C1QB: variants seen among roughly 807,000 people sequenced by gnomAD.
C1QB encodes complement C1q B chain.
Under a neutral mutation model 4.6 loss-of-function variants are expected in C1QB, and 2 were observed. The observed-to-expected ratio is 0.43, with a 90% CI of 0.18 to 1.36. The LOEUF (loss-of-function observed/expected upper bound fraction) is 1.36. Among genes scored for constraint, C1QB ranks in the 40% most tolerant of loss-of-function variants. The probability of loss-of-function intolerance (pLI) is 0.28; values close to 1 mark genes in which losing one functional copy is unlikely to be tolerated. For missense variants in C1QB, 292 were observed against 338.0 expected (o/e 0.86, Z 1.07); for synonymous variants, 132 against 137.1 (o/e 0.96, Z 0.26).
intron 2 of C1QB, among the ~76,000 whole-genome samples, chr1:22,659,912 C>T (rs901211244): frequency 6.6e-6 from 1 of 152,178 alleles, no homozygotes; most frequent in Non-Finnish European, 1.5e-5. Context: ...CCATTAAATT[C>T]AGGTGGAGAG....
intron 1 of C1QB, 150 bp from the exon 2 acceptor site, chr1:22,659,290 A>G (rs1009743421): frequency 5.6e-6 from 4 of 715,414 alleles, no homozygotes; most frequent in Non-Finnish European, 4.7e-6. Context: ...GGAGGGATAG[A>G]GAGATGGATG....
Position 22,660,927 on chromosome 1 carries a change from A to G in C1QB, c.297A>G (p.Pro99=), listed in dbSNP as rs755438683. ...PKGPMGPKGG[P]GAPGAPGPKG... ...GCCCCATGGGCCCTAAAGGTGGCCCAGGGGCCCCTGGAGCCCCAGGCCCCA... is the reference window on the plus strand; with the variant it reads ...GCCCCATGGGCCCTAAAGGTGGCCCGGGGGCCCCTGGAGCCCCAGGCCCCA... The change falls in exon 3 of 3, where the codon CCA becomes CCG. Residue 99 remains proline, a synonymous_variant. Coordinates refer to ENST00000509305, the MANE Select transcript of C1QB (RefSeq NM_001378156.1). 2 of 1,613,422 alleles carry G rather than the reference A, an allele frequency of 1.2e-6. No individual in the cohort carries two copies. The highest frequency in any genetic ancestry group is 2.2e-5 in the East Asian group (1 of 44,718).
Position 22,661,132 on chromosome 1 carries a change from T to C in C1QB, c.502T>C (p.Phe168Leu). 1 of 1,614,144 alleles carries C rather than the reference T, an allele frequency of 6.2e-7. No homozygotes were observed. The highest frequency in any genetic ancestry group is 8.5e-7 in the Non-Finnish European group (1 of 1,180,008). ...FTCKVPGLYY[F>L]TYHASSRGNL... ...CTGCAAGGTGCCCGGTCTCTACTACTTCACCTACCACGCCAGCTCTCGAGG... is the reference window on the plus strand; with the variant it reads ...CTGCAAGGTGCCCGGTCTCTACTACCTCACCTACCACGCCAGCTCTCGAGG... Residue 168 changes from phenylalanine to leucine, a missense_variant, in exon 3 of 3, where the codon TTC becomes CTC. By Grantham distance (22) the Phe-to-Leu change is conservative. Coordinates refer to ENST00000509305, the MANE Select transcript of C1QB (RefSeq NM_001378156.1).
intron 2 of C1QB, 73 bp downstream of exon 2, chr1:22,659,716 G>C (rs1004523974): frequency 8.5e-6 from 13 of 1,527,952 alleles, no homozygotes; most frequent in Non-Finnish European, 1.2e-5. Flanking sequence ...AGTCACAGTT[G>C]CCTACCTTTG....
chr1:22,658,789 AGGATGGATGGAT>A (rs749531414), intron 1 of C1QB, among the ~76,000 whole-genome samples: 2 of 148,212 alleles, frequency 1.3e-5, no homozygotes, highest in African/African-American at 2.5e-5. Context: ...CAGGGGCAGA[AGGATGGATGGAT>A]GGATGGATGG....
Position 22,659,314 on chromosome 1 carries a change from AT to A in C1QB, c.-23-125del. 6 of 746,498 alleles carry A rather than the reference AT, an allele frequency of 8.0e-6. No individual in the cohort carries two copies. In the South Asian group the frequency reaches 1.0e-4, roughly 13 times the overall value. The allele number at this position is 746,498 out of a possible 1,614,324, so 46.2% of individuals were successfully genotyped here. On this transcript the variant is annotated intron_variant, in intron 1 of 2. Transcript: ENST00000509305. Reference sequence around the variant, plus strand: ...GAGAGATGGATGGATGGATGGATGGATGGATGGATGGATGCAGATGGAGGAA... The same window carrying A: ...GAGAGATGGATGGATGGATGGATGGAGGATGGATGGATGCAGATGGAGGAA...
chr1:22,656,575 CA>C (rs1469673214), intron 1 of C1QB, among the ~76,000 whole-genome samples: 1 of 152,184 alleles, frequency 6.6e-6, no homozygotes, highest in Admixed American at 6.5e-5. Context: ...TGGAAAGACA[CA>C]AACGGTATTT....
In C1QB at chr1:22,660,955, G is replaced by A; in HGVS notation, c.325G>A (p.Gly109Ser). 1 of 1,613,842 alleles carries A rather than the reference G, an allele frequency of 6.2e-7. No homozygotes were observed. The highest frequency in any genetic ancestry group is 8.5e-7 in the Non-Finnish European group (1 of 1,179,946). Residue 109 changes from glycine (G) to serine (S), a missense_variant, in exon 3 of 3, where the codon GGT (glycine) becomes AGT (serine). By Grantham distance (56) the Gly-to-Ser change is moderately conservative (BLOSUM62 0). Coordinates refer to ENST00000509305, the MANE Select transcript of C1QB (RefSeq NM_001378156.1). Reference sequence around the variant, plus strand: ...GGCCCCTGGAGCCCCAGGCCCCAAAGGTGAATCGGGAGACTACAAGGCCAC... The same window carrying A: ...GGCCCCTGGAGCCCCAGGCCCCAAAAGTGAATCGGGAGACTACAAGGCCAC... ...PGAPGAPGPK[G>S]ESGDYKATQK...
chr1:22,659,440 G>A lies in C1QB; in HGVS notation c.-23G>A. 1 of 1,613,820 alleles carries A rather than the reference G, an allele frequency of 6.2e-7. No individual in the cohort carries two copies. Among genetic ancestry groups the A allele is most frequent in the Non-Finnish European group, 8.5e-7 (1 of 1,179,924 alleles). On this transcript the variant is annotated splice_region_variant and 5_prime_UTR_variant, in exon 2 of 3. Coordinates refer to ENST00000509305, the MANE Select transcript of C1QB (RefSeq NM_001378156.1). Reference sequence around the variant, plus strand: ...ACCTCTCACATTGTCTTCTCCACAGGAGGCGTCTGACACAGTATGATGATG... The same window carrying A: ...ACCTCTCACATTGTCTTCTCCACAGAAGGCGTCTGACACAGTATGATGATG...
chr1:22,660,622 G>A (rs1241762456), intron 2 of C1QB, among the ~76,000 whole-genome samples, 190 bp from the exon 3 acceptor site: 1 of 152,112 alleles, frequency 6.6e-6, no homozygotes, highest in Non-Finnish European at 1.5e-5. Context: ...CCCCCAAGAA[G>A]GTCAAGCATA....
intron 1 of C1QB, among the ~76,000 whole-genome samples, chr1:22,656,755 C>T (rs2148302970): frequency 6.6e-6 from 1 of 152,258 alleles, no homozygotes; most frequent in East Asian, 1.9e-4. Flanking sequence ...AGCTCAGTCC[C>T]ACAAGACTGC....
intron 1 of C1QB, among the ~76,000 whole-genome samples, chr1:22,657,064 TTG>T (rs1642540877): frequency 6.6e-6 from 1 of 152,074 alleles, no homozygotes; most frequent in African/African-American, 2.4e-5. Flanking sequence ...ACCTAGTTCT[TTG>T]GGATTTTTAT....
At position 22,661,157 on chromosome 1, in the gene C1QB, G is replaced by C; in HGVS notation, c.527G>C (p.Gly176Ala). The change falls in exon 3 of 3, where the codon GGG becomes GCG. Residue 176 changes from glycine (G) to alanine (A), a missense_variant. Physicochemically the swap from Gly to Ala is moderately conservative, Grantham distance 60. Transcript: ENST00000509305. ...TTCACCTACCACGCCAGCTCTCGAG[G>C]GAACCTGTGCGTGAACCTCATGCGT... Reference protein sequence around the residue: ...YYFTYHASSRGNLCVNLMRGR... With the variant: ...YYFTYHASSRANLCVNLMRGR... The C allele has an allele frequency of 6.2e-7, 1 of 1,614,142 alleles. No homozygotes were observed. Among genetic ancestry groups the C allele is most frequent in the Non-Finnish European group, 8.5e-7 (1 of 1,180,020 alleles).
Position 22,661,504 on chromosome 1 carries a change from G to A in C1QB, c.*118G>A. ...TAGGGCTTGGTGAATGCTGCTGAGT[G>A]AATGAGTAAATAAACTCTTCAAGGC... On this transcript the variant is annotated 3_prime_UTR_variant, in exon 3 of 3. Transcript: ENST00000509305. The A allele has an allele frequency of 2.5e-6, 3 of 1,210,864 alleles. No individual in the cohort carries two copies. Among genetic ancestry groups the A allele is most frequent in the Non-Finnish European group, 3.6e-6 (3 of 833,946 alleles). The allele number at this position is 1,210,864 out of a possible 1,614,324, so 75.0% of individuals were successfully genotyped here.
Position 22,659,036 on chromosome 1 carries a change from CAGATGGAT to C in C1QB, c.-23-403_-23-396del, listed in dbSNP as rs1470781342. ...ATGCAGGGATGGAGGGATAGAGAGA[CAGATGGAT>C]GGATGGATGGATGGATGGATGGATG... On this transcript the variant is annotated intron_variant, in intron 1 of 2. Transcript: ENST00000509305. Among the ~76,000 whole-genome samples the C allele has an allele frequency of 1.4e-4, 8 of 55,992 alleles. No individual in the cohort carries two copies. In the East Asian group the frequency reaches 4.4e-3, roughly 31 times the overall value. The allele number at this position is 55,992 out of a possible 152,430, so 36.7% of individuals were successfully genotyped here.
At chr1:22,654,306 T>C (rs1448658703) in intron 1 of C1QB, 2 of 152,154 alleles carry the variant, frequency 1.3e-5, no homozygotes, top group African/African-American at 4.8e-5. Flanking sequence ...GAACCAGCAC[T>C]TTCCCACTCC....
chr1:22,661,086 GCCC>G lies in C1QB; in HGVS notation c.458_460del (p.Pro153del). 1 of 1,614,092 alleles carries G rather than the reference GCCC, an allele frequency of 6.2e-7. No homozygotes were observed. The highest frequency in any genetic ancestry group is 8.5e-7 in the Non-Finnish European group (1 of 1,180,014). On this transcript the variant is annotated inframe_deletion, in exon 3 of 3. Transcript: ENST00000509305. ...TCACCAACATGAACAACAATTATGA[GCCC>G]CGCAGTGGCAAGTTCACCTGCAAGG...
At chr1:22,659,343 G>A in intron 1 of C1QB, 97 bp from the exon 2 acceptor site, 1 of 1,004,728 alleles carries the variant, frequency 1.0e-6, no homozygotes. Flanking sequence ...TGGAGGAATA[G>A]AGAGATGGAT....
intron 1 of C1QB, among the ~76,000 whole-genome samples, chr1:22,658,168 C>A (rs1202966298): frequency 6.6e-6 from 1 of 152,174 alleles, no homozygotes; most frequent in Non-Finnish European, 1.5e-5. Flanking sequence ...GGGAATAAAA[C>A]CCCAAACTCA....
Sources: gnomAD v4.1 joint callset for allele counts (sites outside exome capture counted in the v4.1 genomes callset) on GRCh38, gnomAD v4.1.1 for gene constraint, MANE v1.5 for transcripts, NCBI Gene and HGNC (gene_info 2026-07-23, HGNC 2026-07-21) for gene names.